UGGT2: variants seen among roughly 807,000 people sequenced by gnomAD.
The protein encoded by UGGT2 is UDP-glucose glycoprotein glucosyltransferase 2.
UGGT2 carries 180 observed loss-of-function variants against 192.1 expected under a neutral mutation model. The observed-to-expected ratio is 0.94, with a 90% confidence interval of 0.83 to 1.06. The LOEUF is 1.06. Among genes scored for constraint, UGGT2 ranks in the 50% least tolerant of loss-of-function variants. The probability of loss-of-function intolerance (pLI) is 0.00; values close to 1 mark genes in which losing one functional copy is unlikely to be tolerated. For synonymous variants in UGGT2, 580 were observed against 591.0 expected (o/e 0.98, Z 0.27); for missense variants, 1,849 against 1,795.7 (o/e 1.03, Z -0.54).
intron 22 of UGGT2, among the ~76,000 whole-genome samples, chr13:95,895,949 G>A (rs2047932609): frequency 6.6e-6 from 1 of 151,970 alleles, no homozygotes; most frequent in African/African-American, 2.4e-5. Context: ...GTTAGAAGCT[G>A]CCAAATTGCC....
At chr13:95,873,955 C>T (rs1394777694) in intron 29 of UGGT2, among the ~76,000 whole-genome samples, 3 of 152,134 alleles carry the variant, frequency 2.0e-5, no homozygotes, top group African/African-American at 7.2e-5. Context: ...ACCAGGTAAA[C>T]GAAGTATCCC....
At chr13:95,884,789 A>G (rs1292943339) in intron 26 of UGGT2, 109 bp from the exon 27 acceptor site, 6 of 1,099,538 alleles carry the variant, frequency 5.5e-6, no homozygotes, top group Non-Finnish European at 6.4e-6. Flanking sequence ...GTCTACAATC[A>G]AAAAGACTAA....
intron 15 of UGGT2, among the ~76,000 whole-genome samples, chr13:95,942,481 C>T (rs916115098): frequency 3.3e-5 from 5 of 151,798 alleles, no homozygotes; most frequent in East Asian, 1.9e-4. Context: ...ATCTTGTGGT[C>T]GTAGTCTTTA....
At chr13:96,019,100 T>TAAA (rs1227592716) in intron 4 of UGGT2, among the ~76,000 whole-genome samples, 1 of 90,894 alleles carries the variant, frequency 1.1e-5, no homozygotes, top group Non-Finnish European at 2.0e-5. Context: ...AAAAAAAAAA[T>TAAA]TATTAACTTT....
At chr13:95,927,916 C>T (rs2049083519) in intron 17 of UGGT2, among the ~76,000 whole-genome samples, 1 of 152,140 alleles carries the variant, frequency 6.6e-6, no homozygotes, top group South Asian at 2.1e-4. Flanking sequence ...GCACATCTTG[C>T]ACCGCCCTTA....
At position 95,854,233 on chromosome 13, in the gene UGGT2, CTG is replaced by C. The variant is rs769425924; in HGVS notation, c.4169+80_4169+81del. ...TTTTATTGTGTAATTTTTAAGAAAA[CTG>C]TGTAATTTTTAAGAAAACTGAAAGT... On this transcript the variant is annotated intron_variant, in intron 35 of 38. Coordinates refer to ENST00000376747, the MANE Select transcript of UGGT2 (RefSeq NM_020121.4). 1.3e-4 allele frequency: 186 copies of C among 1,455,788 alleles called. No homozygotes were observed. In the South Asian group the frequency reaches 1.3e-3, roughly 10 times the overall value. The allele number at this position is 1,455,788 out of a possible 1,614,324, so 90.2% of individuals were successfully genotyped here. A position where few individuals can be genotyped will look rare whatever the true frequency, so the allele number is the denominator to read the frequency against.
At chr13:95,828,951 C>T (rs1886351971) in intron 38 of UGGT2, among the ~76,000 whole-genome samples, 1 of 152,142 alleles carries the variant, frequency 6.6e-6, no homozygotes, top group East Asian at 1.9e-4. Context: ...CCCAGAAGCA[C>T]ATCAAAAAGC....
intron 31 of UGGT2, among the ~76,000 whole-genome samples, chr13:95,861,102 G>C (rs1374649750): frequency 6.6e-6 from 1 of 151,852 alleles, no homozygotes; most frequent in East Asian, 1.9e-4. Flanking sequence ...TAACTATATT[G>C]TCTTTAGGTG....
At chr13:95,927,456 A>C in intron 17 of UGGT2, 120 bp from the exon 18 acceptor site, 1 of 836,232 alleles carries the variant, frequency 1.2e-6, no homozygotes, top group Non-Finnish European at 1.7e-6. Context: ...GAATTATTAC[A>C]ATACATTTTC....
At chr13:95,895,793 A>G (rs1482096976) in intron 22 of UGGT2, among the ~76,000 whole-genome samples, 2 of 152,106 alleles carry the variant, frequency 1.3e-5, no homozygotes, top group Non-Finnish European at 2.9e-5. Flanking sequence ...AGAAAGCCAT[A>G]AAATAGCAAA....
intron 25 of UGGT2, among the ~76,000 whole-genome samples, chr13:95,889,129 T>G (rs543974491): frequency 6.6e-6 from 1 of 152,162 alleles, no homozygotes; most frequent in African/African-American, 2.4e-5. Flanking sequence ...CAAATTTAAG[T>G]AGTGTTTTTT....
chr13:95,938,598 C>T (rs2049548929), intron 16 of UGGT2, among the ~76,000 whole-genome samples: 1 of 152,122 alleles, frequency 6.6e-6, no homozygotes. Context: ...GTTTAGTGGG[C>T]ACCTACTATG....
intron 1 of UGGT2, among the ~76,000 whole-genome samples, chr13:96,033,854 T>C (rs1336807132): frequency 6.6e-6 from 1 of 152,116 alleles, no homozygotes; most frequent in Non-Finnish European, 1.5e-5. Flanking sequence ...AGGTGCCCCA[T>C]GACGCGAACT....
At chr13:96,029,529 GC>G (rs762005183) in intron 2 of UGGT2, among the ~76,000 whole-genome samples, 1 of 151,954 alleles carries the variant, frequency 6.6e-6, no homozygotes, top group African/African-American at 2.4e-5. Flanking sequence ...CAAGTGATCT[GC>G]CCACCTCAGC....
At chr13:95,985,631 T>C (rs1244870073) in intron 9 of UGGT2, among the ~76,000 whole-genome samples, 1 of 152,162 alleles carries the variant, frequency 6.6e-6, no homozygotes, top group African/African-American at 2.4e-5. Flanking sequence ...TTTATCTCTT[T>C]AGTATAAGCT....
rs1019078974 is a variant in UGGT2 at position 95,987,868 on chromosome 13, C to T, written c.932-1436G>A. On this transcript the variant is annotated intron_variant, in intron 8 of 38. Transcript: ENST00000376747. ...CATCCACTCTTTCCTGCTCCGGGCC[C>T]CCAAAAGGCTGGCCTATCTGAACTG... Among the ~76,000 whole-genome samples the T allele has an allele frequency of 2.6e-5, 4 of 152,200 alleles. No individual in the cohort carries two copies. In the East Asian group the frequency reaches 7.7e-4, roughly 29 times the overall value.
intron 20 of UGGT2, among the ~76,000 whole-genome samples, chr13:95,910,462 T>C (rs1424592916): frequency 2.0e-5 from 3 of 152,064 alleles, no homozygotes; most frequent in Non-Finnish European, 2.9e-5. Context: ...AAACAGACTT[T>C]AAACCAACAA....
intron 10 of UGGT2, among the ~76,000 whole-genome samples, chr13:95,977,595 G>A (rs901780573): frequency 6.6e-6 from 1 of 152,152 alleles, no homozygotes; most frequent in Non-Finnish European, 1.5e-5. Flanking sequence ...CACTATTGAT[G>A]GGAATTTAAA....
At chr13:95,919,885 C>A (rs2048794309) in intron 20 of UGGT2, among the ~76,000 whole-genome samples, 1 of 152,124 alleles carries the variant, frequency 6.6e-6, no homozygotes, top group African/African-American at 2.4e-5. Context: ...AAAAAAGAGC[C>A]CGAATAGTCA....
Sources: gnomAD v4.1 joint callset for allele counts (sites outside exome capture counted in the v4.1 genomes callset) on GRCh38, gnomAD v4.1.1 for gene constraint, MANE v1.5 for transcripts, NCBI Gene and HGNC (gene_info 2026-07-23, HGNC 2026-07-21) for gene names.